The following UBE3A variants were observed in gnomAD, a reference collection of about 807,000 sequenced individuals.
The protein encoded by UBE3A is ubiquitin-protein ligase E3A.
Under a neutral mutation model 83.4 loss-of-function variants are expected in UBE3A, and 6 were observed. The observed-to-expected ratio is 0.07, with a 90% confidence interval of 0.04 to 0.14. UBE3A has a LOEUF of 0.14. UBE3A is among the 10% of genes least tolerant of loss of function. The probability of loss-of-function intolerance (pLI) is 1.00; values close to 1 mark genes in which losing one functional copy is unlikely to be tolerated. For missense variants in UBE3A, 456 were observed against 1,036.1 expected (o/e 0.44, Z 7.69); for synonymous variants, 337 against 355.4 (o/e 0.95, Z 0.58).
chr15:25,347,309 CAT>C (rs2075840124), intron 11 of UBE3A: 1 of 152,050 alleles, frequency 6.6e-6, no homozygotes, highest in South Asian at 2.1e-4. Context: ...TTAAGGTTTC[CAT>C]ATCTCATTCC....
At position 25,375,828 on chromosome 15, in the gene UBE3A, TATC is replaced by T. The variant is rs71418040; in HGVS notation, c.63-68_63-66del. The T allele has an allele frequency of 0.12, 189,857 of 1,585,902 alleles. 12,118 individuals are homozygous for T. Among genetic ancestry groups the T allele is most frequent in the Middle Eastern group, 0.17 (1,005 of 6,022 alleles). The stretch of plus-strand genomic sequence containing the variant: ...CAGCTCTCAAGTACAAAGCTCAACA[TATC>T]ATCAAGGCAAAAGTTAGTCAAGCAC... On this transcript the variant is annotated intron_variant, in intron 4 of 12. Coordinates refer to ENST00000648336, the MANE Select transcript of UBE3A (RefSeq NM_130839.5).
chr15:25,422,405 T>C (rs2153158882), intron 1 of UBE3A, among the ~76,000 whole-genome samples: 1 of 152,310 alleles, frequency 6.6e-6, no homozygotes, highest in East Asian at 1.9e-4. Flanking sequence ...TGCATTTCAT[T>C]GTGTATCAAT....
At chr15:25,423,856 A>G (rs1160450272) in intron 1 of UBE3A, among the ~76,000 whole-genome samples, 2 of 152,046 alleles carry the variant, frequency 1.3e-5, no homozygotes, top group Non-Finnish European at 2.9e-5. Context: ...TTTATTTCCC[A>G]CTTTCATCTG....
At chr15:25,354,825 C>G in intron 9 of UBE3A, 142 bp from the exon 10 acceptor site, 1 of 772,230 alleles carries the variant, frequency 1.3e-6, no homozygotes. Flanking sequence ...ACACCTACTT[C>G]TTAACAATTT....
chr15:25,431,783 A>G (rs1222879129), intron 1 of UBE3A, among the ~76,000 whole-genome samples: 1 of 152,214 alleles, frequency 6.6e-6, no homozygotes, highest in Non-Finnish European at 1.5e-5. Flanking sequence ...TAGATGCACA[A>G]AAGATTTTTT....
intron 4 of UBE3A, among the ~76,000 whole-genome samples, chr15:25,387,501 G>A (rs1405724292): frequency 2.0e-5 from 3 of 151,594 alleles, no homozygotes; most frequent in South Asian, 2.1e-4. Context: ...CAGCCTGGGC[G>A]ACAAAGCGAG....
At chr15:25,429,086 T>A (rs970582658) in intron 1 of UBE3A, among the ~76,000 whole-genome samples, 10 of 152,142 alleles carry the variant, frequency 6.6e-5, no homozygotes, top group Non-Finnish European at 1.2e-4. Flanking sequence ...ATACTGAGTT[T>A]AAAAAAATCA....
chr15:25,433,199 T>TG (rs1480378300), intron 1 of UBE3A, among the ~76,000 whole-genome samples: 1 of 151,508 alleles, frequency 6.6e-6, no homozygotes, highest in African/African-American at 2.4e-5. Flanking sequence ...AAAAGTTTTT[T>TG]TTTTTTTCTT....
At chr15:25,393,034 C>T (rs1416492042) in intron 4 of UBE3A, among the ~76,000 whole-genome samples, 1 of 151,710 alleles carries the variant, frequency 6.6e-6, no homozygotes, top group Non-Finnish European at 1.5e-5. Flanking sequence ...AACTAAAACA[C>T]AAGGAGTCAC....
chr15:25,404,182 T>C lies in UBE3A; in HGVS notation c.62+1279A>G, dbSNP rs541514153. ...TTGAGAAATACATTTTATAGTCGTT[T>C]CTTGCAGATTCACAATATATACCGG... On this transcript the variant is annotated intron_variant, in intron 4 of 12. Transcript: ENST00000648336. Among the ~76,000 whole-genome samples the C allele has an allele frequency of 3.3e-5, 5 of 152,316 alleles. No homozygotes were observed. In the East Asian group the frequency reaches 9.7e-4, roughly 29 times the overall value.
chr15:25,382,173 T>G (rs1355690901), intron 4 of UBE3A, among the ~76,000 whole-genome samples: 1 of 151,946 alleles, frequency 6.6e-6, no homozygotes, highest in Non-Finnish European at 1.5e-5. Context: ...AAAAAAAAAT[T>G]AGCTGGGCGC....
chr15:25,353,716 C>T (rs908658683), intron 11 of UBE3A, among the ~76,000 whole-genome samples: 1 of 152,158 alleles, frequency 6.6e-6, no homozygotes, highest in African/African-American at 2.4e-5. Flanking sequence ...TGCAATCCAT[C>T]AGTAGCTGCC....
chr15:25,343,354 T>A (rs1043286813), intron 11 of UBE3A, among the ~76,000 whole-genome samples: 1 of 151,864 alleles, frequency 6.6e-6, no homozygotes, highest in South Asian at 2.1e-4. Flanking sequence ...AAAAGGAGAA[T>A]GCAGCAGCAG....
chr15:25,354,406 T>A lies in UBE3A; in HGVS notation c.2301A>T (p.Leu767=), dbSNP rs1227245735. The change falls in exon 11 of 13, where the codon CTA becomes CTT. Residue 767 remains leucine (L), a synonymous_variant. Coordinates refer to ENST00000648336, the MANE Select transcript of UBE3A (RefSeq NM_130839.5). ...CACCGTCATATTCTGTAGTTTCTTC[T>A]AGTGCTTGGAAATCTAGATTCTGCA... ...CGSRNLDFQA[L]EETTEYDGGY... 1 of 1,613,990 alleles carries A rather than the reference T, an allele frequency of 6.2e-7. No individual in the cohort carries two copies. Among genetic ancestry groups the A allele is most frequent in the Non-Finnish European group, 8.5e-7 (1 of 1,179,928 alleles).
In UBE3A at chr15:25,398,167, C is replaced by CAAAA. The variant is rs71127052; in HGVS notation, c.62+7290_62+7293dup. Reference sequence around the variant, plus strand: ...TGGGTGACAAAGCAAGACTCTGTCTCAAAAAAAAAAAAAAAAAAAAAAAAC... The same window carrying CAAAA: ...TGGGTGACAAAGCAAGACTCTGTCTCAAAAAAAAAAAAAAAAAAAAAAAAAAAAC... On this transcript the variant is annotated intron_variant, in intron 4 of 12. Coordinates refer to ENST00000648336, the MANE Select transcript of UBE3A (RefSeq NM_130839.5). 4.6e-3 allele frequency among the ~76,000 whole-genome samples: 454 copies of CAAAA among 99,112 alleles called. 18 individuals are homozygous for CAAAA. The highest frequency in any genetic ancestry group is 0.024 in the African/African-American group (441 of 18,554). The allele number at this position is 99,112 out of a possible 152,430, so 65.0% of individuals were successfully genotyped here.
intron 1 of UBE3A, among the ~76,000 whole-genome samples, chr15:25,422,456 A>C (rs1442205877): frequency 6.6e-6 from 1 of 152,132 alleles, no homozygotes; most frequent in Non-Finnish European, 1.5e-5. Context: ...GTTTGTGAGA[A>C]CTTAATATAG....
intron 11 of UBE3A, 39 bp from the exon 12 acceptor site, chr15:25,340,267 T>C (rs1414395227): frequency 6.2e-7 from 1 of 1,603,534 alleles, no homozygotes; most frequent in Non-Finnish European, 8.5e-7. Flanking sequence ...CAGTTTGGCA[T>C]TCATTATGAC....
At chr15:25,437,754 G>C (rs1210030470) in intron 1 of UBE3A, among the ~76,000 whole-genome samples, 3 of 151,984 alleles carry the variant, frequency 2.0e-5, no homozygotes, top group African/African-American at 7.3e-5. Context: ...AAAATTTTAC[G>C]GACTAAGGCA....
At chr15:25,376,671 A>AC (rs1170713903) in intron 4 of UBE3A, among the ~76,000 whole-genome samples, 1 of 150,038 alleles carries the variant, frequency 6.7e-6, no homozygotes, top group African/African-American at 2.5e-5. Flanking sequence ...AAAACCAAAA[A>AC]GAAAAAGAAA....
Sources: allele counts gnomAD v4.1 joint callset (sites outside exome capture counted in the v4.1 genomes callset), GRCh38; gene constraint gnomAD v4.1.1; transcripts MANE v1.5; gene names NCBI Gene and HGNC (gene_info 2026-07-23, HGNC 2026-07-21).